Variants in HERC2 observed in about 807,000 individuals in gnomAD.
HERC2 encodes E3 ubiquitin-protein ligase HERC2.
In HERC2, 102 loss-of-function variants were observed where a neutral mutation model predicts 537.7. The observed-to-expected ratio is 0.19, with a 90% CI of 0.16 to 0.22. HERC2 has a LOEUF of 0.22. HERC2 is among the 10% of genes least tolerant of loss of function. The pLI is 1.00. For synonymous variants in HERC2, 2,224 were observed against 2,466.2 expected (o/e 0.90, Z 2.91); for missense variants, 4,236 against 6,198.2 (o/e 0.68, Z 10.63).
intron 34 of HERC2, among the ~76,000 whole-genome samples, chr15:28,228,808 T>C (rs2140583314): frequency 6.6e-6 from 1 of 152,352 alleles, no homozygotes; most frequent in South Asian, 2.1e-4. Flanking sequence ...CTCTGAATAC[T>C]CTGGTGCCCT....
chr15:28,174,753 A>T (rs1029590866), intron 64 of HERC2, 133 bp from the exon 65 acceptor site: 1 of 735,060 alleles, frequency 1.4e-6, no homozygotes, highest in African/African-American at 1.8e-5. Context: ...AGGTAAAAAC[A>T]AACCATTTCA....
Position 28,168,411 on chromosome 15 carries a change from C to G in HERC2, c.10409G>C (p.Arg3470Thr), listed in dbSNP as rs754939899. Residue 3470 changes from arginine (R) to threonine (T), a missense_variant, in exon 67 of 93, where the codon AGA becomes ACA. Around this residue, in one of 27 missense-constraint regions of HERC2, gnomAD observed 356 missense variants for 450.9 expected, o/e 0.79. Transcript: ENST00000261609. The part of the protein sequence containing the change: ...RLSPNPWQEK[R>T]EIVSSEDAVT... ...TTGCTTTAGATTCGCTTTTACCTCT[C>G]TCTTTTCTTGCCATGGATTTGGACT... 1.9e-6 allele frequency: 3 copies of G among 1,613,582 alleles called. No individual in the cohort carries two copies. The highest frequency in any genetic ancestry group is 8.5e-7 in the Non-Finnish European group (1 of 1,179,776).
chr15:28,274,788 G>A (rs2075827389), intron 6 of HERC2, 117 bp downstream of exon 6: 1 of 770,750 alleles, frequency 1.3e-6, no homozygotes, highest in Non-Finnish European at 2.2e-6. Context: ...CAAGGAAACT[G>A]AGGCACAGAG....
intron 44 of HERC2, among the ~76,000 whole-genome samples, chr15:28,209,702 C>T (rs1898923861): frequency 1.3e-5 from 2 of 152,104 alleles, no homozygotes; most frequent in Admixed American, 6.6e-5. Context: ...TATGCAAATA[C>T]TACACCATTT....
intron 55 of HERC2, among the ~76,000 whole-genome samples, chr15:28,188,149 A>G (rs1276716883): frequency 1.3e-5 from 2 of 152,106 alleles, no homozygotes; most frequent in East Asian, 3.9e-4. Context: ...ACTTAAGTGT[A>G]GTGTAGAATG....
intron 2 of HERC2, among the ~76,000 whole-genome samples, chr15:28,304,631 T>A (rs1225574128): frequency 6.6e-6 from 1 of 151,820 alleles, no homozygotes; most frequent in Non-Finnish European, 1.5e-5. Flanking sequence ...CCCAAAGTGC[T>A]GGGATTACAG....
chr15:28,311,308 T>C lies in HERC2; in HGVS notation c.72+10054A>G, dbSNP rs565373909. On this transcript the variant is annotated intron_variant, in intron 2 of 92. Transcript: ENST00000261609. ...GGTGAAACTCGGTCTCTACAAAAAA[T>C]ACAAAAATTAACCAGGCGTGGTGGT... Among the ~76,000 whole-genome samples, 75 of 151,974 alleles carry C rather than the reference T, an allele frequency of 4.9e-4. No individual in the cohort carries two copies. In the Middle Eastern group the frequency reaches 0.021, roughly 42 times the overall value.
intron 53 of HERC2, among the ~76,000 whole-genome samples, chr15:28,191,591 T>C (rs1472233597): frequency 6.6e-6 from 1 of 152,184 alleles, no homozygotes; most frequent in Non-Finnish European, 1.5e-5. Context: ...CCTCCACGCG[T>C]TGGTGTAATC....
intron 2 of HERC2, among the ~76,000 whole-genome samples, chr15:28,310,452 T>A (rs753749290): frequency 2.6e-5 from 4 of 151,832 alleles, no homozygotes; most frequent in African/African-American, 7.2e-5. Context: ...CAAAAAAAAA[T>A]TTTAATTTAA....
At chr15:28,138,577 C>T (rs1189808180) in intron 78 of HERC2, among the ~76,000 whole-genome samples, 1 of 151,940 alleles carries the variant, frequency 6.6e-6, no homozygotes, top group Admixed American at 6.6e-5. Flanking sequence ...CTATTGAGGC[C>T]TACTGCTCAG....
At chr15:28,271,104 T>C (rs2075715489) in intron 9 of HERC2, among the ~76,000 whole-genome samples, 1 of 152,160 alleles carries the variant, frequency 6.6e-6, no homozygotes, top group African/African-American at 2.4e-5. Context: ...TGTATACATT[T>C]ATGATACCAC....
chr15:28,196,677 T>C, intron 50 of HERC2, 108 bp from the exon 51 acceptor site: 2 of 635,586 alleles, frequency 3.1e-6, no homozygotes, highest in Non-Finnish European at 5.6e-6. Context: ...ATTTGTTTTT[T>C]ACAAAGAGTC....
chr15:28,115,262 A>ATT (rs11375781), intron 89 of HERC2, 167 bp downstream of exon 89: 9,681 of 381,252 alleles, frequency 0.025, 10 homozygotes, highest in East Asian at 0.037. Context: ...TAGATGGTCT[A>ATT]TTTTTTTTTT....
chr15:28,321,162 CT>C (rs1456364260), intron 2 of HERC2, among the ~76,000 whole-genome samples, 199 bp downstream of exon 2: 1 of 152,106 alleles, frequency 6.6e-6, no homozygotes, highest in Non-Finnish European at 1.5e-5. Flanking sequence ...TTGCAAGAAA[CT>C]AATTAAAAGG....
At chr15:28,313,192 A>ATTT (rs57465951) in intron 2 of HERC2, among the ~76,000 whole-genome samples, 418 of 94,898 alleles carry the variant, frequency 4.4e-3, no homozygotes, top group African/African-American at 0.014. Flanking sequence ...CAGTTAAGGC[A>ATTT]TTTTTTTTTT....
At chr15:28,203,817 C>T (rs1194839581) in intron 45 of HERC2, 2 of 151,946 alleles carry the variant, frequency 1.3e-5, no homozygotes, top group African/African-American at 4.8e-5. Flanking sequence ...TGAAGCACCA[C>T]TGAAGAGCCT....
intron 23 of HERC2, among the ~76,000 whole-genome samples, chr15:28,243,010 C>G (rs1213089697): frequency 6.6e-6 from 1 of 152,166 alleles, no homozygotes; most frequent in Non-Finnish European, 1.5e-5. Flanking sequence ...AGGAGGTACA[C>G]TGTCACCATT....
intron 86 of HERC2, 27 bp from the exon 87 acceptor site, chr15:28,117,181 G>A: frequency 6.2e-7 from 1 of 1,612,178 alleles, no homozygotes; most frequent in Non-Finnish European, 8.5e-7. Context: ...AAGCAAGCGT[G>A]AGGCCGCTGC....
chr15:28,220,752 C>G (rs1900442288), intron 36 of HERC2, 108 bp from the exon 37 acceptor site: 1 of 844,568 alleles, frequency 1.2e-6, no homozygotes, highest in Non-Finnish European at 1.9e-6. Flanking sequence ...TGCCCTGGTC[C>G]TTCCATGGCT....
Sources: gnomAD v4.1 joint callset for allele counts (sites outside exome capture counted in the v4.1 genomes callset) on GRCh38, gnomAD v4.1.1 for gene constraint, gnomAD v4.1.1 regional missense constraint, MANE v1.5 for transcripts, NCBI Gene and HGNC (gene_info 2026-07-23, HGNC 2026-07-21) for gene names.